Variants in RBFOX3 observed in about 807,000 individuals in gnomAD.
RBFOX3 encodes the protein RNA binding fox-1 homolog 3, also known as RNA binding protein fox-1 homolog 3.
RBFOX3 carries 17 observed loss-of-function variants against 48.7 expected under a neutral mutation model. That is an observed-to-expected ratio of 0.35 (90% CI 0.24 to 0.52). The LOEUF (loss-of-function observed/expected upper bound fraction) is 0.52. Among genes scored for constraint, RBFOX3 ranks in the 20% least tolerant of loss-of-function variants. The pLI is 0.94. For missense variants in RBFOX3, 382 were observed against 497.5 expected (o/e 0.77, Z 2.21); for synonymous variants, 212 against 209.5 (o/e 1.01, Z -0.10).
intron 2 of RBFOX3, among the ~76,000 whole-genome samples, chr17:79,426,979 C>T (rs961976463): frequency 1.3e-5 from 2 of 152,196 alleles, no homozygotes; most frequent in Non-Finnish European, 2.9e-5. Flanking sequence ...GCTAGGATTA[C>T]AGGTGTGAGC....
At chr17:79,338,353 G>T (rs373254755) in intron 2 of RBFOX3, among the ~76,000 whole-genome samples, 1 of 152,162 alleles carries the variant, frequency 6.6e-6, no homozygotes, top group Non-Finnish European at 1.5e-5. Flanking sequence ...GTAGCTCTCC[G>T]TGGTGCTGCC....
At chr17:79,394,363 A>G (rs1215222195) in intron 2 of RBFOX3, among the ~76,000 whole-genome samples, 1 of 152,178 alleles carries the variant, frequency 6.6e-6, no homozygotes, top group East Asian at 1.9e-4. Flanking sequence ...AGCCCAGCCA[A>G]GCCCCCATCT....
chr17:79,365,274 C>T (rs1226871554), intron 2 of RBFOX3, among the ~76,000 whole-genome samples: 2 of 152,130 alleles, frequency 1.3e-5, no homozygotes, highest in African/African-American at 2.4e-5. Context: ...TCCACTCCAG[C>T]AGAAGTGGGA....
intron 1 of RBFOX3, among the ~76,000 whole-genome samples, chr17:79,539,080 G>A (rs1353758566): frequency 2.0e-5 from 3 of 152,190 alleles, no homozygotes; most frequent in Non-Finnish European, 2.9e-5. Flanking sequence ...GGTCAGGTGT[G>A]GTGGCTCATG....
chr17:79,163,932 T>C (rs2047479638), intron 4 of RBFOX3, among the ~76,000 whole-genome samples: 3 of 152,192 alleles, frequency 2.0e-5, no homozygotes, highest in Non-Finnish European at 2.9e-5. Context: ...CTGGGGCCAA[T>C]TGGAGGGTGG....
At position 79,249,772 on chromosome 17, in the gene RBFOX3, A is replaced by G. The variant is rs1203495574; in HGVS notation, c.-73-13967T>C. Among the ~76,000 whole-genome samples, 1 of 151,752 alleles carries G rather than the reference A, an allele frequency of 6.6e-6. No homozygotes were observed. The highest frequency in any genetic ancestry group is 6.6e-5 in the Admixed American group (1 of 15,244). On this transcript the variant is annotated intron_variant, in intron 3 of 14. Coordinates refer to ENST00000693108, the MANE Select transcript of RBFOX3 (RefSeq NM_001350451.2). The surrounding 1 kb of genome is among the most constrained non-coding windows in gnomAD (Gnocchi z 4.1). The stretch of plus-strand genomic sequence containing the variant: ...CCTCTGCCTCCCGACCAAACCTGGT[A>G]CCTCCCTGTGTGTCCCTGATGCCGA...
intron 2 of RBFOX3, among the ~76,000 whole-genome samples, chr17:79,376,945 C>T (rs9896858): frequency 0.05 from 7,681 of 152,102 alleles, 642 homozygotes; most frequent in African/African-American, 0.17. Context: ...GCCTGGAGCC[C>T]GACACCTGCC....
chr17:79,142,197 A>T (rs2042050035), intron 4 of RBFOX3, among the ~76,000 whole-genome samples: 1 of 152,142 alleles, frequency 6.6e-6, no homozygotes, highest in African/African-American at 2.4e-5. Flanking sequence ...TTCATTTCAC[A>T]AAACTCCCTG....
chr17:79,515,391 A>G (rs2085106918), intron 1 of RBFOX3, among the ~76,000 whole-genome samples: 1 of 152,228 alleles, frequency 6.6e-6, no homozygotes, highest in South Asian at 2.1e-4. Flanking sequence ...GCTCCCGGCC[A>G]TGTGTCAAGC....
chr17:79,165,431 G>C (rs982332864), intron 4 of RBFOX3, among the ~76,000 whole-genome samples: 5 of 152,204 alleles, frequency 3.3e-5, no homozygotes, highest in Admixed American at 2.0e-4. Flanking sequence ...TGGGAAGGAG[G>C]GGGTGCCTGG....
intron 4 of RBFOX3, among the ~76,000 whole-genome samples, chr17:79,211,855 C>T (rs527973256): frequency 4.6e-5 from 7 of 152,298 alleles, no homozygotes; most frequent in Middle Eastern, 3.4e-3. Flanking sequence ...CCTGGACTTT[C>T]GGTTAGGCCC....
intron 1 of RBFOX3, among the ~76,000 whole-genome samples, chr17:79,562,450 G>C (rs887467398): frequency 3.3e-5 from 5 of 152,150 alleles, no homozygotes; most frequent in Non-Finnish European, 5.9e-5. Context: ...GCATCTGTCT[G>C]GATATAAATA....
At chr17:79,215,096 G>A (rs1316198879) in intron 4 of RBFOX3, among the ~76,000 whole-genome samples, 2 of 152,190 alleles carry the variant, frequency 1.3e-5, no homozygotes, top group South Asian at 2.1e-4. Context: ...GCAGGGCAAT[G>A]TTCACACACC....
intron 2 of RBFOX3, among the ~76,000 whole-genome samples, chr17:79,461,635 C>A (rs1473075785): frequency 8.5e-5 from 13 of 152,222 alleles, no homozygotes; most frequent in African/African-American, 2.7e-4. Flanking sequence ...ACAGTGGACG[C>A]CCAGAACTCA....
At chr17:79,427,102 A>C (rs1191285937) in intron 2 of RBFOX3, among the ~76,000 whole-genome samples, 1 of 152,184 alleles carries the variant, frequency 6.6e-6, no homozygotes, top group Non-Finnish European at 1.5e-5. Context: ...AGCTCTCTAC[A>C]TCCTCAGTTC....
chr17:79,244,637 G>A (rs150906905), intron 3 of RBFOX3, among the ~76,000 whole-genome samples: 8 of 152,158 alleles, frequency 5.3e-5, no homozygotes, highest in Non-Finnish European at 7.4e-5. Flanking sequence ...GCTCTTCCAC[G>A]ACTTCTCCAT....
At chr17:79,247,303 T>C (rs2063309614) in intron 3 of RBFOX3, among the ~76,000 whole-genome samples, 1 of 137,994 alleles carries the variant, frequency 7.2e-6, no homozygotes, top group Admixed American at 7.5e-5. Context: ...ACAGAGAACA[T>C]AATCGTATTT....
rs1401598527 is a variant in RBFOX3, at chr17:79,311,139, GA to G, written c.-174-3316del. On this transcript the variant is annotated intron_variant, in intron 2 of 14. Transcript: ENST00000693108. This position sits in a 1 kb window ranked among gnomAD's most constrained non-coding sequence, Gnocchi z 4.2. ...CCCTGGGGAAAACATTCTGCCTCAA[GA>G]CCGCAGCACCAGCTGGGCGCAGTGG... 6.6e-6 allele frequency among the ~76,000 whole-genome samples: 1 copy of G among 152,134 alleles called. No individual in the cohort carries two copies. Among genetic ancestry groups the G allele is most frequent in the African/African-American group, 2.4e-5 (1 of 41,424 alleles).
intron 10 of RBFOX3, 81 bp from the exon 11 acceptor site, chr17:79,097,505 C>G (rs1023761013): frequency 1.4e-6 from 2 of 1,435,800 alleles, no homozygotes; most frequent in African/African-American, 2.9e-5. Flanking sequence ...ACCTAGCCCC[C>G]CCGCGCACCT....
Sources: gnomAD v4.1 joint callset for allele counts (sites outside exome capture counted in the v4.1 genomes callset) on GRCh38, gnomAD v4.1.1 for gene constraint, Gnocchi (gnomAD v3.1) non-coding constraint, MANE v1.5 for transcripts, NCBI Gene and HGNC (gene_info 2026-07-23, HGNC 2026-07-21) for gene names.